Variants in CCND3 observed in about 807,000 individuals in gnomAD.
The protein encoded by CCND3 is G1/S-specific cyclin-D3.
CCND3 carries 9 observed loss-of-function variants against 28.7 expected under a neutral mutation model. That is an observed-to-expected ratio of 0.31 (90% confidence interval 0.19 to 0.55). CCND3 has a LOEUF of 0.55. CCND3 is among the 20% of genes least tolerant of loss of function. CCND3 has a pLI of 0.93. For synonymous variants in CCND3, 164 were observed against 163.9 expected (o/e 1.00, Z 0.00); for missense variants, 315 against 385.8 (o/e 0.82, Z 1.54).
intron 1 of CCND3, among the ~76,000 whole-genome samples, chr6:42,043,677 G>A (rs1439489455): frequency 2.0e-5 from 3 of 152,176 alleles, no homozygotes; most frequent in South Asian, 2.1e-4. Flanking sequence ...CAGCCTGGGC[G>A]ACAGAGTGAG....
intron 1 of CCND3, chr6:42,030,008 C>T (rs1400572332): frequency 6.6e-6 from 1 of 152,262 alleles, no homozygotes; most frequent in Non-Finnish European, 1.5e-5. Context: ...CAAACACTCA[C>T]CCATCTGCCC....
At chr6:41,960,352 A>G (rs1761688052) in intron 1 of CCND3, among the ~76,000 whole-genome samples, 1 of 152,252 alleles carries the variant, frequency 6.6e-6, no homozygotes, top group South Asian at 2.1e-4. Flanking sequence ...GCTAAAAACT[A>G]AAAAGATTGT....
At chr6:41,964,203 A>G (rs1761790815) in intron 1 of CCND3, among the ~76,000 whole-genome samples, 1 of 152,166 alleles carries the variant, frequency 6.6e-6, no homozygotes, top group South Asian at 2.1e-4. Context: ...CCCAAGAGGT[A>G]TTGGGGGGTT....
upstream of CCND3, among the ~76,000 whole-genome samples, chr6:41,942,802 C>T (rs1582091638): frequency 6.6e-6 from 1 of 152,054 alleles, no homozygotes; most frequent in East Asian, 1.9e-4. Flanking sequence ...CATGAGGATC[C>T]CTGCCCTACT....
intron 1 of CCND3, among the ~76,000 whole-genome samples, chr6:42,033,914 G>A (rs941228229): frequency 1.8e-4 from 27 of 152,198 alleles, no homozygotes; most frequent in Middle Eastern, 3.4e-3. Context: ...CAGCACTTTG[G>A]GAGGCCAAGG....
At chr6:41,940,959 G>A (rs746010901) in intron 1 of CCND3, 3 of 1,612,872 alleles carry the variant, frequency 1.9e-6, no homozygotes, top group Non-Finnish European at 2.5e-6. Context: ...CACCCGAGGG[G>A]AAGGGAGGAG....
At position 41,935,133 on chromosome 6, in the gene CCND3, T is replaced by C. The variant is rs1775726491; in HGVS notation, c.*807A>G. 3 of 233,294 alleles carry C rather than the reference T, an allele frequency of 1.3e-5. No individual in the cohort carries two copies. Among genetic ancestry groups the C allele is most frequent in the Non-Finnish European group, 1.7e-5 (2 of 118,076 alleles). 14.5% of individuals were successfully genotyped at this position (233,294 alleles called of 1,614,324 possible). On this transcript the variant is annotated 3_prime_UTR_variant, in exon 5 of 5. Transcript: ENST00000372991. ...GCTGGAGGATGGGGCAGAGGGACAA[T>C]GGGAGAGGAGGGCATGACCCCACCC...
At chr6:42,033,342 C>G (rs1582185011) in intron 1 of CCND3, among the ~76,000 whole-genome samples, 1 of 151,440 alleles carries the variant, frequency 6.6e-6, no homozygotes, top group African/African-American at 2.4e-5. Context: ...CCCAGCTACT[C>G]GGAAGGCTAA....
upstream of CCND3, among the ~76,000 whole-genome samples, chr6:41,946,031 A>G (rs1262821012): frequency 1.3e-5 from 2 of 152,164 alleles, no homozygotes; most frequent in Non-Finnish European, 2.9e-5. Flanking sequence ...CTGGCTTCTA[A>G]CGGTAAACGC....
intron 1 of CCND3, among the ~76,000 whole-genome samples, chr6:42,024,433 A>G (rs1366032084): frequency 6.6e-6 from 1 of 151,218 alleles, no homozygotes; most frequent in East Asian, 1.9e-4. Context: ...ATTCACCCTG[A>G]TAACACAGCT....
At chr6:41,991,707 G>A (rs1022498354) in intron 1 of CCND3, among the ~76,000 whole-genome samples, 1 of 152,106 alleles carries the variant, frequency 6.6e-6, no homozygotes, top group African/African-American at 2.4e-5. Flanking sequence ...CTATGTAGCT[G>A]TAATTTTGTA....
In CCND3 at chr6:41,940,363, C is replaced by T. The variant is rs746451226; in HGVS notation, c.414+7G>A. On this transcript the variant is annotated splice_region_variant and intron_variant, in intron 2 of 4. Transcript: ENST00000372991. ...CGTGTCGGGGGTGGGGGGAGTTACA[C>T]ACGCACCCGCAACTGGCGGGGAGAG... 6.2e-7 allele frequency: 1 copy of T among 1,611,370 alleles called. No homozygotes were observed. The highest frequency in any genetic ancestry group is 1.1e-5 in the South Asian group (1 of 91,046).
At chr6:41,957,360 C>T (rs1030199812) in intron 1 of CCND3, among the ~76,000 whole-genome samples, 1 of 152,178 alleles carries the variant, frequency 6.6e-6, no homozygotes, top group Admixed American at 6.5e-5. Flanking sequence ...GCCCCAGCAG[C>T]CCTAACCAAT....
At chr6:41,969,894 C>T (rs1172684057) in intron 1 of CCND3, among the ~76,000 whole-genome samples, 1 of 151,952 alleles carries the variant, frequency 6.6e-6, no homozygotes, top group Non-Finnish European at 1.5e-5. Context: ...TCTCCCTGAA[C>T]CTCAGTTGTT....
At chr6:41,964,318 C>CTGTGTGTGTGAA (rs70987549) in intron 1 of CCND3, among the ~76,000 whole-genome samples, 3 of 148,636 alleles carry the variant, frequency 2.0e-5, no homozygotes, top group East Asian at 2.0e-4. Flanking sequence ...GTGTGTGAGT[C>CTGTGTGTGTGAA]TGTGTGTGTG....
intron 1 of CCND3, among the ~76,000 whole-genome samples, chr6:42,034,538 T>C (rs1180314300): frequency 8.1e-6 from 1 of 123,042 alleles, no homozygotes; most frequent in African/African-American, 3.1e-5. Context: ...AGTGCAGTGG[T>C]GCGATCTCGG....
Position 41,936,142 on chromosome 6 carries a change from T to A in CCND3, c.712-35A>T. On this transcript the variant is annotated intron_variant, in intron 4 of 4. Coordinates refer to ENST00000372991, the MANE Select transcript of CCND3 (RefSeq NM_001760.5). The surrounding 1 kb of genome is among the most constrained non-coding windows in gnomAD (Gnocchi z 4.4). ...TGGGAGAAGAGTGAGGAGCAAACAC[T>A]CCCCCCATAGCATCTGGCAGCAGGT... 1 of 1,531,860 alleles carries A rather than the reference T, an allele frequency of 6.5e-7. No homozygotes were observed. The highest frequency in any genetic ancestry group is 8.8e-7 in the Non-Finnish European group (1 of 1,138,460). 94.9% of individuals were successfully genotyped at this position (1,531,860 alleles called of 1,614,324 possible).
chr6:42,028,392 GCTAT>G (rs1391905278), intron 1 of CCND3, among the ~76,000 whole-genome samples: 1 of 152,224 alleles, frequency 6.6e-6, no homozygotes, highest in Non-Finnish European at 1.5e-5. Flanking sequence ...GCACAGCTGT[GCTAT>G]CTATCAGCTG....
At chr6:42,036,677 T>C (rs1295466689) in intron 1 of CCND3, among the ~76,000 whole-genome samples, 1 of 151,864 alleles carries the variant, frequency 6.6e-6, no homozygotes, top group Non-Finnish European at 1.5e-5. Flanking sequence ...GTGCTGAGAT[T>C]ACAGGCATGA....
Sources: allele counts gnomAD v4.1 joint callset (sites outside exome capture counted in the v4.1 genomes callset), GRCh38; gene constraint gnomAD v4.1.1; non-coding constraint Gnocchi (gnomAD v3.1); transcripts MANE v1.5; gene names NCBI Gene and HGNC (gene_info 2026-07-23, HGNC 2026-07-21).